The following HSD17B2 variants were observed in gnomAD, a reference collection of about 807,000 sequenced individuals.
HSD17B2 encodes the protein hydroxysteroid 17-beta dehydrogenase 2.
HSD17B2 carries 32 observed loss-of-function variants against 26.9 expected under a neutral mutation model. That is an observed-to-expected ratio of 1.19 (90% CI 0.90 to 1.60). HSD17B2 has a LOEUF of 1.60. Among genes scored for constraint, HSD17B2 ranks in the 40% most tolerant of loss-of-function variants. The probability of loss-of-function intolerance (pLI) is 0.00; values close to 1 mark genes in which losing one functional copy is unlikely to be tolerated. For missense variants in HSD17B2, 613 were observed against 468.6 expected, an observed-to-expected ratio of 1.31 and a Z score of -2.85; for synonymous variants, 246 against 186.7, an observed-to-expected ratio of 1.32 and a Z score of -2.59.
intron 2 of HSD17B2, among the ~76,000 whole-genome samples, chr16:82,068,830 T>A (rs373554076): frequency 6.5e-4 from 99 of 152,342 alleles, no homozygotes; most frequent in African/African-American, 2.2e-3. Flanking sequence ...TCACCTTCAA[T>A]TTGCCGTTGG....
chr16:82,095,028 A>T (rs1904799235), intron 4 of HSD17B2: 1 of 152,280 alleles, frequency 6.6e-6, no homozygotes, highest in African/African-American at 2.4e-5. Flanking sequence ...AGAGTCTGTC[A>T]AAAGTGGGAG....
rs8191135 is a variant in HSD17B2, at chr16:82,068,222, C to G, written c.318C>G (p.Gly106=). 1.9e-6 allele frequency: 3 copies of G among 1,614,022 alleles called. No individual in the cohort carries two copies. The highest frequency in any genetic ancestry group is 2.2e-5 in the East Asian group (1 of 44,882). Residue 106 remains glycine, a synonymous_variant, in exon 2 of 5, where the codon GGC becomes GGG. Transcript: ENST00000199936. ...HALCKYLDEL[G]FTVFAGVLNE... The stretch of plus-strand genomic sequence containing the variant: ...TGTGCAAGTATCTGGATGAGCTGGG[C>G]TTCACGGTATTTGCCGGAGTTTTGA...
chr16:82,090,302 G>GTTTTTTTTTTTTTTTTTTTTT (rs35272646), intron 3 of HSD17B2: 1 of 40,068 alleles, frequency 2.5e-5, no homozygotes, highest in African/African-American at 1.2e-4. Flanking sequence ...AAACTACATT[G>GTTTTTTTTTTTTTTTTTTTTT]TTTTTTTTTT....
chr16:82,074,123 C>T (rs748230877), intron 3 of HSD17B2, among the ~76,000 whole-genome samples: 1 of 152,094 alleles, frequency 6.6e-6, no homozygotes, highest in African/African-American at 2.4e-5. Flanking sequence ...ATTCAATAAA[C>T]GATGCTGGGG....
intron 4 of HSD17B2, chr16:82,093,082 G>T (rs528083089): frequency 6.6e-6 from 1 of 152,008 alleles, no homozygotes; most frequent in Non-Finnish European, 1.5e-5. Flanking sequence ...TTTTAAAATC[G>T]AGAAATATAT....
chr16:82,069,375 A>G (rs1391898873), intron 2 of HSD17B2, among the ~76,000 whole-genome samples: 2 of 152,152 alleles, frequency 1.3e-5, no homozygotes, highest in Non-Finnish European at 1.5e-5. Context: ...CAACGAATCT[A>G]TGTGTGAATG....
rs2143995825 is a variant in HSD17B2 at position 82,077,487 on chromosome 16, A to T, written c.664+6360A>T. ...TGTGGCTCATGCCTGTAATCCCAGCACACAGGGAGGTCAGGTGGATTGCTT... is the reference window on the plus strand; with the variant it reads ...TGTGGCTCATGCCTGTAATCCCAGCTCACAGGGAGGTCAGGTGGATTGCTT... On this transcript the variant is annotated intron_variant, in intron 3 of 4. Coordinates refer to ENST00000199936, the MANE Select transcript of HSD17B2 (RefSeq NM_002153.3). Among the ~76,000 whole-genome samples, 3 of 152,320 alleles carry T rather than the reference A, an allele frequency of 2.0e-5. No individual in the cohort carries two copies. In the South Asian group the frequency reaches 6.2e-4, roughly 32 times the overall value.
intron 3 of HSD17B2, among the ~76,000 whole-genome samples, chr16:82,090,652 T>C (rs979196360): frequency 2.6e-5 from 4 of 152,098 alleles, no homozygotes; most frequent in Non-Finnish European, 4.4e-5. Context: ...TTGGACAAGA[T>C]TGAGCCTTCA....
chr16:82,045,929 T>TA (rs1913912932), intron 1 of HSD17B2, among the ~76,000 whole-genome samples: 1 of 152,240 alleles, frequency 6.6e-6, no homozygotes, highest in African/African-American at 2.4e-5. Flanking sequence ...GTTCTTCTGT[T>TA]ACAGAGAGTC....
chr16:82,087,503 A>G (rs1228683448), intron 3 of HSD17B2, among the ~76,000 whole-genome samples: 1 of 152,184 alleles, frequency 6.6e-6, no homozygotes, highest in Admixed American at 6.5e-5. Context: ...CTGCCATTTC[A>G]TAGGTAAGAC....
At chr16:82,084,912 T>C in intron 3 of HSD17B2, among the ~76,000 whole-genome samples, 1 of 152,308 alleles carries the variant, frequency 6.6e-6, no homozygotes. Context: ...ATTTTTGCCA[T>C]GGGGTCTCAC....
chr16:82,036,786 C>A (rs1170730481), intron 1 of HSD17B2, among the ~76,000 whole-genome samples: 1 of 152,144 alleles, frequency 6.6e-6, no homozygotes, highest in Non-Finnish European at 1.5e-5. Context: ...TGTTTATCTG[C>A]AAGAATGTCT....
At chr16:82,051,929 C>T (rs146989323) in intron 1 of HSD17B2, among the ~76,000 whole-genome samples, 15 of 152,318 alleles carry the variant, frequency 9.8e-5, no homozygotes, top group African/African-American at 2.9e-4. Flanking sequence ...CCAGACCCCA[C>T]GGGCTTTGGA....
chr16:82,094,529 T>A (rs978090708), intron 4 of HSD17B2: 1 of 152,192 alleles, frequency 6.6e-6, no homozygotes, highest in African/African-American at 2.4e-5. Flanking sequence ...TGAGATGCAG[T>A]GCCTGGGTTC....
intron 1 of HSD17B2, among the ~76,000 whole-genome samples, chr16:82,042,235 C>A (rs925230373): frequency 6.6e-6 from 1 of 152,038 alleles, no homozygotes; most frequent in African/African-American, 2.4e-5. Context: ...GAACCCCTGA[C>A]CTCAAGTGAT....
At chr16:82,042,775 C>T (rs564577347) in intron 1 of HSD17B2, among the ~76,000 whole-genome samples, 3 of 152,168 alleles carry the variant, frequency 2.0e-5, no homozygotes, top group African/African-American at 7.2e-5. Context: ...GCACCCACCA[C>T]CATGCTCAGC....
intron 1 of HSD17B2, among the ~76,000 whole-genome samples, chr16:82,060,794 A>G (rs1015535502): frequency 6.6e-6 from 1 of 152,112 alleles, no homozygotes; most frequent in Non-Finnish European, 1.5e-5. Context: ...CACTCGGAGG[A>G]GCTTTAGGGG....
chr16:82,062,786 C>T (rs1914475891), intron 1 of HSD17B2, among the ~76,000 whole-genome samples: 1 of 152,206 alleles, frequency 6.6e-6, no homozygotes, highest in African/African-American at 2.4e-5. Flanking sequence ...TGAAACACTT[C>T]CAACTTCTCA....
chr16:82,079,950 A>G (rs2144000194), intron 3 of HSD17B2, among the ~76,000 whole-genome samples: 1 of 152,234 alleles, frequency 6.6e-6, no homozygotes, highest in South Asian at 2.1e-4. Flanking sequence ...ATGGAGGGAG[A>G]GAAGCAGTCA....
Sources: gnomAD v4.1 joint callset for allele counts (sites outside exome capture counted in the v4.1 genomes callset) on GRCh38, gnomAD v4.1.1 for gene constraint, MANE v1.5 for transcripts, NCBI Gene and HGNC (gene_info 2026-07-23, HGNC 2026-07-21) for gene names.